TRABD2A: variants seen among roughly 807,000 people sequenced by gnomAD.
The protein encoded by TRABD2A is TraB domain containing 2A.
In TRABD2A, 43 loss-of-function variants were observed where a neutral mutation model predicts 45.6. That is an observed-to-expected ratio of 0.94 (90% CI 0.74 to 1.22). The LOEUF is 1.22. TRABD2A is among the 50% of genes most tolerant of loss of function. The pLI is 0.00. For missense variants in TRABD2A, 642 were observed against 652.4 expected (o/e 0.98, Z 0.17); for synonymous variants, 269 against 265.0 (o/e 1.02, Z -0.15).
At chr2:84,852,886 G>C (rs1027942372) in intron 2 of TRABD2A, among the ~76,000 whole-genome samples, 5 of 152,136 alleles carry the variant, frequency 3.3e-5, no homozygotes, top group Admixed American at 6.5e-5. Flanking sequence ...CATTAGCCCA[G>C]GAGGGTAAAG....
chr2:84,829,212 T>C (rs555120670), intron 5 of TRABD2A, among the ~76,000 whole-genome samples: 1 of 152,134 alleles, frequency 6.6e-6, no homozygotes, highest in South Asian at 2.1e-4. Context: ...GCTCTTTTTC[T>C]CCCCGGGGAA....
intron 1 of TRABD2A, among the ~76,000 whole-genome samples, chr2:84,876,081 G>T (rs371821934): frequency 7.9e-5 from 12 of 152,148 alleles, no homozygotes; most frequent in Non-Finnish European, 1.6e-4. Flanking sequence ...AAGGACGGGG[G>T]TGAAACAGGA....
chr2:84,848,771 G>A (rs1229692187), intron 2 of TRABD2A, among the ~76,000 whole-genome samples: 2 of 151,752 alleles, frequency 1.3e-5, no homozygotes, highest in Non-Finnish European at 2.9e-5. Flanking sequence ...ACGGAGTTTC[G>A]CCATATTAGC....
chr2:84,825,663 T>C (rs1226502731), intron 5 of TRABD2A, among the ~76,000 whole-genome samples: 1 of 152,142 alleles, frequency 6.6e-6, no homozygotes, highest in Non-Finnish European at 1.5e-5. Context: ...TCTCTAGGAT[T>C]CAGGTGGCCT....
chr2:84,869,357 C>T (rs1000919), intron 2 of TRABD2A, among the ~76,000 whole-genome samples: 27,416 of 152,120 alleles, frequency 0.18, 3,078 homozygotes, highest in African/African-American at 0.32. Flanking sequence ...ATGGAAACAA[C>T]TAAACCATGG....
At chr2:84,877,380 G>A (rs1161730969) in intron 1 of TRABD2A, among the ~76,000 whole-genome samples, 1 of 152,044 alleles carries the variant, frequency 6.6e-6, no homozygotes, top group Non-Finnish European at 1.5e-5. Flanking sequence ...CATTAGGGTG[G>A]TTTAAAAGAA....
At chr2:84,852,789 G>T (rs919938414) in intron 2 of TRABD2A, among the ~76,000 whole-genome samples, 2 of 152,178 alleles carry the variant, frequency 1.3e-5, no homozygotes, top group Non-Finnish European at 2.9e-5. Context: ...GAGTGAATTA[G>T]ATGGAAGCCA....
At chr2:84,874,236 T>A (rs1682956469) in intron 1 of TRABD2A, among the ~76,000 whole-genome samples, 1 of 152,248 alleles carries the variant, frequency 6.6e-6, no homozygotes. Context: ...CACTGTATGA[T>A]CTTTTCACTG....
intron 2 of TRABD2A, among the ~76,000 whole-genome samples, chr2:84,857,823 G>A (rs1260707133): frequency 2.0e-5 from 3 of 152,098 alleles, no homozygotes; most frequent in African/African-American, 7.2e-5. Context: ...CACACTCAGC[G>A]GTCAAATGCC....
intron 2 of TRABD2A, among the ~76,000 whole-genome samples, chr2:84,868,040 A>G (rs1369584751): frequency 6.6e-6 from 1 of 152,230 alleles, no homozygotes; most frequent in Non-Finnish European, 1.5e-5. Context: ...TTCCTCAAGG[A>G]TCTAGAACTA....
intron 2 of TRABD2A, among the ~76,000 whole-genome samples, chr2:84,861,801 C>G (rs552437556): frequency 5.3e-5 from 8 of 152,184 alleles, no homozygotes; most frequent in Non-Finnish European, 2.9e-5. Context: ...CCAAAGCACC[C>G]GCAAGAGCAG....
chr2:84,824,068 C>T lies in TRABD2A; in HGVS notation c.1219G>A (p.Gly407Arg). Residue 407 changes from glycine (G) to arginine (R), a missense_variant, in exon 6 of 7, where the codon GGA becomes AGA. By Grantham distance (125) the Gly-to-Arg change is moderately radical. Transcript: ENST00000409520. ...GCCTCACTGGGCGTGTCGGCACTTC[C>T]AGGCCGGGACACAAGGGGAGGCAGC... ...STLPPLVSRP[G>R]SADTPSEAEQ... is the part of the protein sequence containing the mutation. 1.9e-6 allele frequency: 3 copies of T among 1,613,870 alleles called. No homozygotes were observed. Among genetic ancestry groups the T allele is most frequent in the Non-Finnish European group, 1.7e-6 (2 of 1,179,820 alleles).
intron 6 of TRABD2A, 77 bp from the exon 7 acceptor site, chr2:84,822,177 C>T: frequency 3.9e-6 from 5 of 1,282,480 alleles, no homozygotes; most frequent in Non-Finnish European, 5.3e-6. Context: ...CAAATGCCCA[C>T]ACAGCTTCTC....
At chr2:84,874,364 C>A (rs1682959352) in intron 1 of TRABD2A, among the ~76,000 whole-genome samples, 1 of 152,210 alleles carries the variant, frequency 6.6e-6, no homozygotes, top group Non-Finnish European at 1.5e-5. Context: ...TCCACCCAAG[C>A]ATTTCGCCTG....
intron 1 of TRABD2A, among the ~76,000 whole-genome samples, chr2:84,876,549 G>A (rs114880138): frequency 0.027 from 4,042 of 152,252 alleles, 87 homozygotes; most frequent in South Asian, 0.083. Context: ...AAGTCACTAG[G>A]GACTCAGACA....
At chr2:84,861,846 T>C (rs1682510581) in intron 2 of TRABD2A, among the ~76,000 whole-genome samples, 1 of 152,178 alleles carries the variant, frequency 6.6e-6, no homozygotes, top group Non-Finnish European at 1.5e-5. Context: ...CACCTGAGCA[T>C]TGAGAGGCTA....
chr2:84,838,225 T>G, intron 4 of TRABD2A: 1 of 717,632 alleles, frequency 1.4e-6, no homozygotes. Flanking sequence ...CTCCTGATTT[T>G]CAAGGCTACT....
At chr2:84,839,914 G>C (rs1181200532) in intron 3 of TRABD2A, among the ~76,000 whole-genome samples, 1 of 152,164 alleles carries the variant, frequency 6.6e-6, no homozygotes, top group African/African-American at 2.4e-5. Context: ...CAGGATGAAA[G>C]TGCATCAAAA....
intron 1 of TRABD2A, among the ~76,000 whole-genome samples, chr2:84,879,098 T>C (rs1485838315): frequency 1.3e-5 from 2 of 152,200 alleles, no homozygotes; most frequent in Non-Finnish European, 2.9e-5. Flanking sequence ...ACTGCTCTGA[T>C]GGCTAATGGA....
Sources: gnomAD v4.1 joint callset for allele counts (sites outside exome capture counted in the v4.1 genomes callset) on GRCh38, gnomAD v4.1.1 for gene constraint, MANE v1.5 for transcripts, NCBI Gene and HGNC (gene_info 2026-07-23, HGNC 2026-07-21) for gene names.